The following WDR64 variants were observed in gnomAD, a reference collection of about 807,000 sequenced individuals.
WDR64 encodes the protein WD repeat-containing protein 64.
Under a neutral mutation model 139.3 loss-of-function variants are expected in WDR64, and 112 were observed. The observed-to-expected ratio is 0.80, with a 90% CI of 0.69 to 0.94. WDR64 has a LOEUF of 0.94. Among genes scored for constraint, WDR64 ranks in the 40% least tolerant of loss-of-function variants. The pLI is 0.00. For missense variants in WDR64, 1,206 were observed against 1,293.1 expected, an observed-to-expected ratio of 0.93 and a Z score of 1.03; for synonymous variants, 444 against 437.7, an observed-to-expected ratio of 1.01 and a Z score of -0.18.
intron 13 of WDR64, among the ~76,000 whole-genome samples, chr1:241,745,207 T>C (rs1176424756): frequency 6.6e-6 from 1 of 152,110 alleles, no homozygotes; most frequent in Non-Finnish European, 1.5e-5. Flanking sequence ...ATATTTACCC[T>C]AGGCCTATAC....
rs1181012357 is a variant in WDR64, at chr1:241,720,928, G to A, written c.1055-2369G>A. On this transcript the variant is annotated intron_variant, in intron 9 of 27. Transcript: ENST00000437684. ...TCTTCTAGGTCTTTTATGGTTTTGG[G>A]GTTTACATTCAAGTCTTTAAACCAT... Among the ~76,000 whole-genome samples the A allele has an allele frequency of 2.6e-5, 4 of 151,974 alleles. No homozygotes were observed. The East Asian group carries it at 7.7e-4, about 29-fold the overall frequency.
chr1:241,786,149 T>C (rs1304305099), intron 23 of WDR64, among the ~76,000 whole-genome samples: 5 of 152,232 alleles, frequency 3.3e-5, no homozygotes, highest in Non-Finnish European at 7.3e-5. Context: ...ATGGAAGGGA[T>C]AGAAGATGCT....
At chr1:241,798,837 AC>A (rs777177512) in intron 27 of WDR64, among the ~76,000 whole-genome samples, 5 of 152,198 alleles carry the variant, frequency 3.3e-5, no homozygotes, top group Admixed American at 1.3e-4. Flanking sequence ...AATCATTTAT[AC>A]GTCTCTTTAG....
At chr1:241,655,706 T>TTTTC (rs1553359567) in intron 1 of WDR64, among the ~76,000 whole-genome samples, 1 of 145,634 alleles carries the variant, frequency 6.9e-6, no homozygotes, top group African/African-American at 2.6e-5. Context: ...TTTTCTTTTC[T>TTTTC]TTTTTTTTTT....
At chr1:241,705,128 G>A (rs1667882133) in intron 8 of WDR64, among the ~76,000 whole-genome samples, 1 of 152,200 alleles carries the variant, frequency 6.6e-6, no homozygotes, top group Non-Finnish European at 1.5e-5. Flanking sequence ...TAGCTCCCCA[G>A]TAGCTAGTTG....
intron 8 of WDR64, among the ~76,000 whole-genome samples, chr1:241,697,005 T>G (rs116077717): frequency 6.6e-6 from 1 of 152,156 alleles, no homozygotes; most frequent in Non-Finnish European, 1.5e-5. Context: ...TCTCCTCTAC[T>G]TTCTTCCCTT....
At chr1:241,730,970 C>T (rs979522588) in intron 10 of WDR64, among the ~76,000 whole-genome samples, 1 of 152,126 alleles carries the variant, frequency 6.6e-6, no homozygotes, top group South Asian at 2.1e-4. Flanking sequence ...CAAGGTTGAT[C>T]TGGTATATCT....
At chr1:241,744,254 C>A in intron 12 of WDR64, 139 bp from the exon 13 acceptor site, 1 of 1,039,626 alleles carries the variant, frequency 9.6e-7, no homozygotes, top group Non-Finnish European at 1.4e-6. Flanking sequence ...ATAAAACCAA[C>A]ATTCAGGGCA....
intron 9 of WDR64, among the ~76,000 whole-genome samples, chr1:241,717,153 A>G (rs555609308): frequency 1.2e-4 from 18 of 152,322 alleles, no homozygotes; most frequent in African/African-American, 4.3e-4. Context: ...AAGATACTGC[A>G]TTATTGGAAT....
intron 18 of WDR64, 68 bp downstream of exon 18, chr1:241,770,758 G>A: frequency 7.4e-7 from 1 of 1,360,500 alleles, no homozygotes; most frequent in South Asian, 1.4e-5. Context: ...TAGTGCTATT[G>A]AGCACATTTG....
At chr1:241,660,480 AG>A (rs1558458535) in intron 1 of WDR64, 49 bp from the exon 2 acceptor site, 1 of 1,535,794 alleles carries the variant, frequency 6.5e-7, no homozygotes, top group Non-Finnish European at 8.8e-7. Context: ...GAAATACAAA[AG>A]GTAGTCCTTG....
chr1:241,783,007 T>G (rs2148318283), intron 22 of WDR64, among the ~76,000 whole-genome samples: 1 of 152,306 alleles, frequency 6.6e-6, no homozygotes, highest in Non-Finnish European at 1.5e-5. Context: ...AATCGCTAAT[T>G]CTCAGTTACA....
chr1:241,769,849 G>A (rs1283856043), intron 17 of WDR64, among the ~76,000 whole-genome samples: 1 of 152,186 alleles, frequency 6.6e-6, no homozygotes, highest in Non-Finnish European at 1.5e-5. Context: ...ACACAGGTGT[G>A]AAACAGAAGG....
chr1:241,733,639 AATTT>A (rs1276867619), intron 10 of WDR64, among the ~76,000 whole-genome samples: 3 of 149,714 alleles, frequency 2.0e-5, no homozygotes, highest in Non-Finnish European at 3.0e-5. Context: ...TATAATATTT[AATTT>A]ATTACTTATA....
intron 8 of WDR64, 33 bp from the exon 9 acceptor site, chr1:241,711,769 A>G (rs1668177466): frequency 1.9e-6 from 3 of 1,600,628 alleles, no homozygotes; most frequent in Non-Finnish European, 2.6e-6. Flanking sequence ...AAAGAAAAAT[A>G]TATATGTTTT....
intron 21 of WDR64, among the ~76,000 whole-genome samples, chr1:241,777,210 C>G (rs1658684828): frequency 6.6e-6 from 1 of 152,264 alleles, no homozygotes; most frequent in Non-Finnish European, 1.5e-5. Flanking sequence ...TCCACCTCAG[C>G]CTCCTGAGTA....
At chr1:241,748,735 C>G (rs1347804056) in intron 13 of WDR64, among the ~76,000 whole-genome samples, 1 of 151,918 alleles carries the variant, frequency 6.6e-6, no homozygotes, top group African/African-American at 2.4e-5. Context: ...GTCAGGAGAT[C>G]GAGACCATCC....
At chr1:241,685,754 C>A (rs1356886834) in intron 7 of WDR64, among the ~76,000 whole-genome samples, 1 of 152,192 alleles carries the variant, frequency 6.6e-6, no homozygotes, top group Non-Finnish European at 1.5e-5. Context: ...CATTTTCCAT[C>A]CTTCACATAT....
Position 241,705,871 on chromosome 1 carries a change from G to A in WDR64, c.975-5931G>A, listed in dbSNP as rs1381530061. ...CCCAAAGTGCTGAGATTACAGGTGC[G>A]AGCCACCATGCCTGGCCCTCATGGA... On this transcript the variant is annotated intron_variant, in intron 8 of 27. Coordinates refer to ENST00000437684, the MANE Select transcript of WDR64 (RefSeq NM_001367482.1). 4.6e-5 allele frequency among the ~76,000 whole-genome samples: 7 copies of A among 152,132 alleles called. 1 individual carries two copies. The East Asian group carries it at 1.2e-3, about 25-fold the overall frequency.
Sources: gnomAD v4.1 joint callset for allele counts (sites outside exome capture counted in the v4.1 genomes callset) on GRCh38, gnomAD v4.1.1 for gene constraint, MANE v1.5 for transcripts, NCBI Gene and HGNC (gene_info 2026-07-23, HGNC 2026-07-21) for gene names.